SLC25A48: variants seen among roughly 807,000 people sequenced by gnomAD.
SLC25A48 encodes CTC-321K16.1.
A neutral mutation model predicts 32.2 loss-of-function variants in SLC25A48; 29 were observed. That is an observed-to-expected ratio of 0.90 (90% CI 0.67 to 1.23). SLC25A48 has a LOEUF of 1.23. SLC25A48 is among the 50% of genes most tolerant of loss of function. SLC25A48 has a pLI of 0.00. For missense variants in SLC25A48, 399 were observed against 422.7 expected, an observed-to-expected ratio of 0.94 and a Z score of 0.49; for synonymous variants, 164 against 172.3, an observed-to-expected ratio of 0.95 and a Z score of 0.38.
At chr5:135,719,972 A>C (rs1430287792) in intron 3 of SLC25A48, among the ~76,000 whole-genome samples, 1 of 152,370 alleles carries the variant, frequency 6.6e-6, no homozygotes, top group African/African-American at 2.4e-5. Context: ...CTTTCTTTGA[A>C]GCAAGTTCTG....
chr5:135,672,540 G>A (rs1020652293), intron 3 of SLC25A48, among the ~76,000 whole-genome samples: 2 of 152,164 alleles, frequency 1.3e-5, no homozygotes, highest in Admixed American at 6.5e-5. Flanking sequence ...AACAGTCAAG[G>A]TCACAGCTCT....
rs369833148 is a variant in SLC25A48 at position 135,819,094 on chromosome 5, T to TA, written c.-117+6179dup. ...GCCTCAGGGATCCATGGAAAAACAT[T>TA]AAAAAAAAAAATCTAACATACATGA... On this transcript the variant is annotated intron_variant, in intron 4 of 10. Transcript: ENST00000646290. 2.7e-3 allele frequency among the ~76,000 whole-genome samples: 384 copies of TA among 141,548 alleles called. 1 individual carries two copies. The highest frequency in any genetic ancestry group is 8.2e-3 in the African/African-American group (318 of 38,640). 92.9% of individuals were successfully genotyped at this position (141,548 alleles called of 152,430 possible). A position where few individuals can be genotyped will look rare whatever the true frequency, so the allele number is the denominator to read the frequency against.
intron 1 of SLC25A48, among the ~76,000 whole-genome samples, chr5:135,611,420 C>T (rs950429682): frequency 5.5e-5 from 7 of 126,916 alleles, no homozygotes; most frequent in Non-Finnish European, 1.1e-4. Context: ...GAGGCTGAGG[C>T]GGGAGAATGG....
intron 3 of SLC25A48, among the ~76,000 whole-genome samples, chr5:135,735,969 A>G (rs1389641726): frequency 6.6e-6 from 1 of 152,120 alleles, no homozygotes; most frequent in Non-Finnish European, 1.5e-5. Flanking sequence ...AAACTGTAAG[A>G]CAGACTGGGT....
At chr5:135,800,146 C>T (rs992213881) in intron 3 of SLC25A48, among the ~76,000 whole-genome samples, 1 of 151,738 alleles carries the variant, frequency 6.6e-6, no homozygotes, top group South Asian at 2.1e-4. Context: ...GGCTGTACAA[C>T]CCGCCTGTGA....
intron 3 of SLC25A48, among the ~76,000 whole-genome samples, chr5:135,852,270 T>C (rs1327965554): frequency 1.3e-5 from 2 of 152,172 alleles, no homozygotes; most frequent in African/African-American, 4.8e-5. Flanking sequence ...GCCTGACTTC[T>C]TTCCAGCCCA....
chr5:135,582,414 G>A (rs1751254984), intron 1 of SLC25A48, among the ~76,000 whole-genome samples: 2 of 152,078 alleles, frequency 1.3e-5, no homozygotes, highest in Non-Finnish European at 2.9e-5. Flanking sequence ...GTTGGTGCTA[G>A]GAGACTCATC....
intron 3 of SLC25A48, among the ~76,000 whole-genome samples, chr5:135,788,072 A>G (rs1756897161): frequency 6.6e-6 from 1 of 151,882 alleles, no homozygotes; most frequent in Non-Finnish European, 1.5e-5. Flanking sequence ...CCCCCGCTAT[A>G]TGGTTAGTAA....
At chr5:135,638,340 T>C (rs1466380415) in intron 3 of SLC25A48, among the ~76,000 whole-genome samples, 1 of 152,202 alleles carries the variant, frequency 6.6e-6, no homozygotes, top group Non-Finnish European at 1.5e-5. Flanking sequence ...TGTGAAAATA[T>C]GGCTTACACT....
chr5:135,745,104 T>A (rs1248473847), intron 3 of SLC25A48, among the ~76,000 whole-genome samples: 2 of 151,944 alleles, frequency 1.3e-5, no homozygotes, highest in Non-Finnish European at 2.9e-5. Flanking sequence ...AGAAATAGAG[T>A]GCAGAGTGGG....
intron 3 of SLC25A48, among the ~76,000 whole-genome samples, chr5:135,727,362 T>C (rs1399821741): frequency 2.0e-5 from 3 of 152,156 alleles, no homozygotes; most frequent in Non-Finnish European, 4.4e-5. Context: ...CTCTATAGCT[T>C]GCTTTTTAAT....
At chr5:135,710,054 G>A (rs1754617181) in intron 3 of SLC25A48, among the ~76,000 whole-genome samples, 1 of 152,194 alleles carries the variant, frequency 6.6e-6, no homozygotes, top group African/African-American at 2.4e-5. Context: ...GATGTGCACA[G>A]TTGGCCAATA....
At chr5:135,813,549 G>A (rs1334353168) in intron 4 of SLC25A48, among the ~76,000 whole-genome samples, 17 of 152,168 alleles carry the variant, frequency 1.1e-4, no homozygotes, top group Admixed American at 1.1e-3. Context: ...TAGCACTGGT[G>A]TTGTTACTAT....
At chr5:135,881,209 T>G (rs1471038021) in intron 7 of SLC25A48, among the ~76,000 whole-genome samples, 1 of 152,194 alleles carries the variant, frequency 6.6e-6, no homozygotes, top group Non-Finnish European at 1.5e-5. Flanking sequence ...GGACTGAACT[T>G]TCTAGTCAAC....
chr5:135,620,270 G>A (rs991556058), intron 1 of SLC25A48, among the ~76,000 whole-genome samples: 65 of 152,270 alleles, frequency 4.3e-4, no homozygotes, highest in African/African-American at 1.5e-3. Context: ...CTGGTGGTGG[G>A]CTAGGCTGGG....
intron 3 of SLC25A48, among the ~76,000 whole-genome samples, chr5:135,796,098 G>T (rs901501631): frequency 6.6e-6 from 1 of 151,520 alleles, no homozygotes; most frequent in Non-Finnish European, 1.5e-5. Flanking sequence ...ATCACAGGGG[G>T]TGTACAGCCC....
At chr5:135,721,499 G>A (rs554508371) in intron 3 of SLC25A48, among the ~76,000 whole-genome samples, 12 of 152,090 alleles carry the variant, frequency 7.9e-5, no homozygotes, top group Non-Finnish European at 1.5e-4. Flanking sequence ...CACCGCACCC[G>A]GCCTCCCACT....
In SLC25A48 at chr5:135,697,311, C is replaced by A. The variant is rs1754292040; in HGVS notation, c.-521+62355C>A. ...GAGAGGCAACACAGAGGCTGCCCCT[C>A]CACAGTGCTATCTCAGCTTGGCTCA... On this transcript the variant is annotated intron_variant, in intron 3 of 10. Coordinates refer to the SLC25A48 transcript ENST00000646290. 2.0e-5 allele frequency among the ~76,000 whole-genome samples: 3 copies of A among 152,346 alleles called. No homozygotes were observed. The South Asian group carries it at 6.2e-4, about 32-fold the overall frequency.
chr5:135,790,788 A>C (rs757047523), intron 3 of SLC25A48, among the ~76,000 whole-genome samples: 2 of 150,702 alleles, frequency 1.3e-5, no homozygotes, highest in Non-Finnish European at 3.0e-5. Context: ...ACACCCTGTG[A>C]TATTATTTGT....
Sources: allele counts gnomAD v4.1 joint callset (sites outside exome capture counted in the v4.1 genomes callset), GRCh38; gene constraint gnomAD v4.1.1; transcripts MANE v1.5; gene names NCBI Gene and HGNC (gene_info 2026-07-23, HGNC 2026-07-21).